Variants in PXDNL observed in about 807,000 individuals in gnomAD.
PXDNL encodes probable oxidoreductase PXDNL.
A neutral mutation model predicts 150.8 loss-of-function variants in PXDNL; 145 were observed. That is an observed-to-expected ratio of 0.96 (90% confidence interval 0.84 to 1.10). The LOEUF (loss-of-function observed/expected upper bound fraction) is 1.10. PXDNL is among the 50% of genes least tolerant of loss of function. PXDNL has a pLI of 0.00. For synonymous variants in PXDNL, 757 were observed against 725.7 expected, an observed-to-expected ratio of 1.04 and a Z score of -0.69; for missense variants, 2,087 against 1,873.9, an observed-to-expected ratio of 1.11 and a Z score of -2.10.
chr8:51,576,314 A>G (rs1355210682), intron 3 of PXDNL, among the ~76,000 whole-genome samples: 2 of 151,954 alleles, frequency 1.3e-5, no homozygotes, highest in African/African-American at 4.8e-5. Context: ...ACAATTTAAA[A>G]TATTGAAATC....
intron 4 of PXDNL, among the ~76,000 whole-genome samples, chr8:51,529,823 C>A (rs73583096): frequency 6.6e-6 from 1 of 152,174 alleles, no homozygotes; most frequent in East Asian, 1.9e-4. Context: ...TCTTGGTACA[C>A]GAAAACTCTT....
Position 51,409,336 on chromosome 8 carries a change from G to A in PXDNL, c.2288C>T (p.Ala763Val), listed in dbSNP as rs1366134728. ...LQPAYRDGIR[A>V]PRGLGLPVGS... is the part of the protein sequence containing the mutation. ...CACAGGAAGGCCGAGCCCGCGGGGC[G>A]CGCGGATGCCGTCCCGGTAGGCTGG... is the stretch of plus-strand genomic sequence containing the variant. The change falls in exon 17 of 23, where the codon GCG becomes GTG. Residue 763 changes from alanine (A) to valine (V), a missense_variant. Coordinates refer to ENST00000356297, the MANE Select transcript of PXDNL (RefSeq NM_144651.5). 1.4e-6 allele frequency: 2 copies of A among 1,469,946 alleles called. No homozygotes were observed. The highest frequency in any genetic ancestry group is 1.8e-6 in the Non-Finnish European group (2 of 1,116,800). The allele number at this position is 1,469,946 out of a possible 1,614,324, so 91.1% of individuals were successfully genotyped here. A position where few individuals can be genotyped will look rare whatever the true frequency, so the allele number is the denominator to read the frequency against.
intron 1 of PXDNL, among the ~76,000 whole-genome samples, chr8:51,715,072 TC>T (rs1816586015): frequency 6.6e-6 from 1 of 152,216 alleles, no homozygotes; most frequent in Non-Finnish European, 1.5e-5. Context: ...CTCTGTTGCT[TC>T]TTAAAAGATA....
At chr8:51,689,172 A>G (rs1815937335) in intron 1 of PXDNL, among the ~76,000 whole-genome samples, 1 of 152,208 alleles carries the variant, frequency 6.6e-6, no homozygotes, top group Non-Finnish European at 1.5e-5. Flanking sequence ...ATGAAGCCAC[A>G]CAGAGTCTTC....
At chr8:51,553,376 C>T (rs530527176) in intron 4 of PXDNL, among the ~76,000 whole-genome samples, 81 of 152,322 alleles carry the variant, frequency 5.3e-4, no homozygotes, top group African/African-American at 1.9e-3. Flanking sequence ...AAAGGCACTG[C>T]CTGGGGCCTC....
At chr8:51,714,233 C>T (rs1816560375) in intron 1 of PXDNL, among the ~76,000 whole-genome samples, 2 of 152,192 alleles carry the variant, frequency 1.3e-5, no homozygotes, top group Admixed American at 1.3e-4. Flanking sequence ...ATTTTGTGCA[C>T]CCAGATTCTC....
intron 1 of PXDNL, among the ~76,000 whole-genome samples, chr8:51,734,855 G>C (rs114578926): frequency 0.025 from 3,752 of 152,274 alleles, 154 homozygotes; most frequent in African/African-American, 0.085. Flanking sequence ...TGAAGGTCTT[G>C]GAAGTCTCAG....
chr8:51,443,971 G>C (rs910125213), intron 12 of PXDNL, among the ~76,000 whole-genome samples: 2 of 152,178 alleles, frequency 1.3e-5, no homozygotes, highest in African/African-American at 4.8e-5. Flanking sequence ...ATGTTGGTGT[G>C]CTGCACCCAG....
intron 4 of PXDNL, among the ~76,000 whole-genome samples, chr8:51,507,692 T>G (rs1485321487): frequency 1.2e-4 from 18 of 152,170 alleles, no homozygotes; most frequent in Non-Finnish European, 8.8e-5. Context: ...TAGGATGATT[T>G]TGTTTTGTCC....
intron 21 of PXDNL, among the ~76,000 whole-genome samples, chr8:51,330,695 A>C (rs185189566): frequency 6.4e-4 from 97 of 152,270 alleles, no homozygotes; most frequent in Middle Eastern, 3.4e-3. Context: ...TGAGGAAAAG[A>C]CACAATTTAG....
chr8:51,373,585 G>A (rs565446341), intron 18 of PXDNL, among the ~76,000 whole-genome samples: 3 of 152,228 alleles, frequency 2.0e-5, no homozygotes, highest in Admixed American at 6.5e-5. Flanking sequence ...ACTATTAATT[G>A]TTACCAATGT....
At chr8:51,675,671 T>TGAGATGGTATCTCATTGTGGTTTTG (rs1815600587) in intron 1 of PXDNL, among the ~76,000 whole-genome samples, 1 of 151,220 alleles carries the variant, frequency 6.6e-6, no homozygotes, top group African/African-American at 2.4e-5. Flanking sequence ...CATGTGCCTG[T>TGAGATGGTATCTCATTGTGGTTTTG]AGTCCCAGCT....
intron 4 of PXDNL, among the ~76,000 whole-genome samples, chr8:51,513,004 G>A (rs908930067): frequency 6.6e-6 from 1 of 152,252 alleles, no homozygotes; most frequent in South Asian, 2.1e-4. Flanking sequence ...GGAAGGGTCT[G>A]TGCCTGCATG....
intron 17 of PXDNL, among the ~76,000 whole-genome samples, chr8:51,375,612 T>G (rs1053284878): frequency 2.0e-5 from 3 of 152,252 alleles, no homozygotes; most frequent in Non-Finnish European, 2.9e-5. Flanking sequence ...ATATTTGTAC[T>G]TTCTTCATTT....
At chr8:51,775,988 G>A (rs1344765330) in intron 1 of PXDNL, among the ~76,000 whole-genome samples, 1 of 152,192 alleles carries the variant, frequency 6.6e-6, no homozygotes. Context: ...CCCAAGGGGA[G>A]GTCTCTAAAA....
At position 51,720,567 on chromosome 8, in the gene PXDNL, C is replaced by A. The variant is rs577895687; in HGVS notation, c.165-65807G>T. On this transcript the variant is annotated intron_variant, in intron 1 of 22. Coordinates refer to ENST00000356297, the MANE Select transcript of PXDNL (RefSeq NM_144651.5). The stretch of plus-strand genomic sequence containing the variant: ...AAAATTTTAAAAAGAAATGTGCTAT[C>A]CTGATATTCTGTAAATATTTTGGGT... 1.2e-3 allele frequency among the ~76,000 whole-genome samples: 179 copies of A among 152,192 alleles called. 1 individual carries two copies. The highest frequency in any genetic ancestry group is 4.1e-3 in the African/African-American group (169 of 41,512).
rs551486988 is a variant in PXDNL, at chr8:51,526,556, G to A, written c.381-26786C>T. On this transcript the variant is annotated intron_variant, in intron 4 of 22. Coordinates refer to ENST00000356297, the MANE Select transcript of PXDNL (RefSeq NM_144651.5). ...AAAAGCTAAGGAGAGCTATTTTATC[G>A]TCTCTCCATCCAACCTCCTCCTGCC... 3.1e-4 allele frequency among the ~76,000 whole-genome samples: 47 copies of A among 152,164 alleles called. No individual in the cohort carries two copies. In the South Asian group the frequency reaches 7.7e-3, roughly 25 times the overall value.
chr8:51,377,296 T>C (rs945477304), intron 17 of PXDNL, among the ~76,000 whole-genome samples: 4 of 152,100 alleles, frequency 2.6e-5, no homozygotes, highest in African/African-American at 9.7e-5. Context: ...AGGGTCTCAC[T>C]TTCTCGCCCA....
intron 1 of PXDNL, among the ~76,000 whole-genome samples, chr8:51,744,057 G>A (rs138967535): frequency 0.026 from 1,312 of 50,302 alleles, 54 homozygotes; most frequent in Non-Finnish European, 0.036. Flanking sequence ...AAGGAAGGAA[G>A]GAAGGAAGGA....
Sources: gnomAD v4.1 joint callset for allele counts (sites outside exome capture counted in the v4.1 genomes callset) on GRCh38, gnomAD v4.1.1 for gene constraint, MANE v1.5 for transcripts, NCBI Gene and HGNC (gene_info 2026-07-23, HGNC 2026-07-21) for gene names.